The following PSMB1 variants were observed in gnomAD, a reference collection of about 807,000 sequenced individuals.
The protein encoded by PSMB1 is proteasome subunit beta type-1.
PSMB1 carries 7 observed loss-of-function variants against 25.4 expected under a neutral mutation model. That is an observed-to-expected ratio of 0.28 (90% CI 0.16 to 0.52). The LOEUF is 0.52. Ranked by LOEUF, PSMB1 falls within the 20% of genes least tolerant of loss-of-function variation. PSMB1 has a pLI of 0.97. For synonymous variants in PSMB1, 119 were observed against 115.0 expected (o/e 1.03, Z -0.22); for missense variants, 284 against 302.2 (o/e 0.94, Z 0.45).
At chr6:170,543,375 G>A (rs1291117953) in intron 4 of PSMB1, among the ~76,000 whole-genome samples, 4 of 152,142 alleles carry the variant, frequency 2.6e-5, no homozygotes, top group African/African-American at 9.7e-5. Context: ...GCAAGTTCCT[G>A]AGAAAATAGC....
At chr6:170,547,507 G>A (rs915814309) in intron 2 of PSMB1, among the ~76,000 whole-genome samples, 10 of 152,168 alleles carry the variant, frequency 6.6e-5, no homozygotes, top group Admixed American at 6.5e-4. Flanking sequence ...AACCATACCT[G>A]TCCTACTAGG....
chr6:170,548,946 T>G, intron 2 of PSMB1, 60 bp downstream of exon 2: 1 of 1,255,920 alleles, frequency 8.0e-7, no homozygotes, highest in East Asian at 2.4e-5. Context: ...AAGTAGAAAC[T>G]CTCACAACAT....
chr6:170,537,410 CA>C (rs1264191291), intron 4 of PSMB1, 70 bp from the exon 5 acceptor site: 1 of 1,264,176 alleles, frequency 7.9e-7, no homozygotes, highest in African/African-American at 1.5e-5. Context: ...AAAAATAAAT[CA>C]GGTCAAAACG....
intron 1 of PSMB1, among the ~76,000 whole-genome samples, chr6:170,551,431 C>A: frequency 6.6e-6 from 1 of 151,952 alleles, no homozygotes; most frequent in Non-Finnish European, 1.5e-5. Context: ...TTTGCGGAAG[C>A]GAAGGCTGCC....
At chr6:170,548,270 C>T (rs1778847354) in intron 2 of PSMB1, among the ~76,000 whole-genome samples, 1 of 152,228 alleles carries the variant, frequency 6.6e-6, no homozygotes, top group Non-Finnish European at 1.5e-5. Context: ...AGTCCCATTC[C>T]TATTACAATT....
chr6:170,538,421 C>G (rs542270979), intron 4 of PSMB1, among the ~76,000 whole-genome samples: 1 of 152,328 alleles, frequency 6.6e-6, no homozygotes, highest in East Asian at 1.9e-4. Flanking sequence ...GTAAACTTGG[C>G]CAGGCGCGGT....
chr6:170,541,758 G>C (rs997704311), intron 4 of PSMB1, among the ~76,000 whole-genome samples: 2 of 152,196 alleles, frequency 1.3e-5, no homozygotes, highest in African/African-American at 4.8e-5. Flanking sequence ...ACCAAAACTA[G>C]CAACACTGTT....
At chr6:170,552,992 T>G in intron 1 of PSMB1, 138 bp downstream of exon 1, 1 of 683,070 alleles carries the variant, frequency 1.5e-6, no homozygotes, top group East Asian at 2.8e-5. Context: ...GAGACCGGCC[T>G]TGTGCGGACC....
intron 4 of PSMB1, among the ~76,000 whole-genome samples, chr6:170,540,117 A>G (rs901237591): frequency 6.6e-6 from 1 of 152,186 alleles, no homozygotes; most frequent in African/African-American, 2.4e-5. Flanking sequence ...AGCAGCTAAG[A>G]GATTAAAGAC....
chr6:170,545,631 C>T (rs1458577334), intron 3 of PSMB1, among the ~76,000 whole-genome samples: 1 of 152,206 alleles, frequency 6.6e-6, no homozygotes, highest in Non-Finnish European at 1.5e-5. Context: ...GCATGTTGTG[C>T]CTCCCATCCA....
chr6:170,552,760 G>C (rs1778927983), intron 1 of PSMB1, among the ~76,000 whole-genome samples: 1 of 152,198 alleles, frequency 6.6e-6, no homozygotes, highest in Non-Finnish European at 1.5e-5. Context: ...ACGTGTACAT[G>C]AGGTCCAGTT....
At chr6:170,539,615 T>C (rs549594596) in intron 4 of PSMB1, among the ~76,000 whole-genome samples, 4 of 152,312 alleles carry the variant, frequency 2.6e-5, no homozygotes, top group East Asian at 3.9e-4. Context: ...TTAATTCTAA[T>C]ACTGGGAAGG....
chr6:170,542,766 A>G (rs1272360573), intron 4 of PSMB1, among the ~76,000 whole-genome samples: 4 of 152,160 alleles, frequency 2.6e-5, no homozygotes, highest in Non-Finnish European at 5.9e-5. Flanking sequence ...CTTTTAGGGC[A>G]ACTTCAGCCA....
chr6:170,547,182 T>G (rs2114980224), intron 2 of PSMB1, among the ~76,000 whole-genome samples: 1 of 152,322 alleles, frequency 6.6e-6, no homozygotes, highest in South Asian at 2.1e-4. Flanking sequence ...TGGTGGTATT[T>G]ATTAAAAATT....
intron 1 of PSMB1, among the ~76,000 whole-genome samples, chr6:170,551,337 T>C (rs749884918): frequency 3.3e-5 from 5 of 151,936 alleles, no homozygotes; most frequent in Non-Finnish European, 5.9e-5. Flanking sequence ...CAATGAGACA[T>C]GAAAGAGTGC....
chr6:170,537,491 G>C, intron 4 of PSMB1, 151 bp from the exon 5 acceptor site: 1 of 628,068 alleles, frequency 1.6e-6, no homozygotes, highest in South Asian at 1.8e-5. Context: ...CTGTTGCACT[G>C]GTGACAGCTG....
intron 3 of PSMB1, 103 bp downstream of exon 3, chr6:170,546,000 G>C: frequency 1.1e-6 from 1 of 921,992 alleles, no homozygotes; most frequent in Non-Finnish European, 1.7e-6. Flanking sequence ...TACTAACCTA[G>C]TGACTCTCTA....
chr6:170,541,601 T>C (rs1403746294), intron 4 of PSMB1, among the ~76,000 whole-genome samples: 1 of 152,202 alleles, frequency 6.6e-6, no homozygotes, highest in East Asian at 1.9e-4. Flanking sequence ...CTGAAAACTG[T>C]CTTAGGGCAA....
intron 4 of PSMB1, among the ~76,000 whole-genome samples, chr6:170,538,083 G>T (rs1246447002): frequency 6.6e-6 from 1 of 152,204 alleles, no homozygotes; most frequent in Non-Finnish European, 1.5e-5. Context: ...GGAAAGATAA[G>T]TAACTGTGGC....
Sources: gnomAD v4.1 joint callset for allele counts (sites outside exome capture counted in the v4.1 genomes callset) on GRCh38, gnomAD v4.1.1 for gene constraint, MANE v1.5 for transcripts, NCBI Gene and HGNC (gene_info 2026-07-23, HGNC 2026-07-21) for gene names.